Variants in FBXL17 observed in about 807,000 individuals in gnomAD.
FBXL17 encodes the protein F-box and leucine rich repeat protein 17.
In FBXL17, 22 loss-of-function variants were observed where a neutral mutation model predicts 66.2. The ratio of observed to expected loss-of-function variants is 0.33; its 90% CI spans 0.24 to 0.47. The LOEUF is 0.47. Ranked by LOEUF, FBXL17 falls within the 20% of genes least tolerant of loss-of-function variation. The pLI is 1.00. For missense variants in FBXL17, 878 were observed against 948.2 expected (o/e 0.93, Z 0.97); for synonymous variants, 474 against 400.5 (o/e 1.18, Z -2.19).
At chr5:108,361,654 C>T (rs1580890849) in intron 3 of FBXL17, among the ~76,000 whole-genome samples, 1 of 152,100 alleles carries the variant, frequency 6.6e-6, no homozygotes. Context: ...TTGTATGTCT[C>T]ACCATAATCT....
chr5:108,260,192 T>C (rs1756754430), intron 4 of FBXL17, among the ~76,000 whole-genome samples: 1 of 152,110 alleles, frequency 6.6e-6, no homozygotes, highest in South Asian at 2.1e-4. Flanking sequence ...AGGAGAGGAC[T>C]AGTTGTTAAT....
chr5:108,231,464 T>C (rs1262923197), intron 4 of FBXL17, among the ~76,000 whole-genome samples: 2 of 152,136 alleles, frequency 1.3e-5, no homozygotes, highest in African/African-American at 2.4e-5. Context: ...ATGTAAGGTT[T>C]TGAGGTTTAT....
chr5:108,127,661 A>G (rs1750775404), intron 6 of FBXL17, among the ~76,000 whole-genome samples: 1 of 152,196 alleles, frequency 6.6e-6, no homozygotes, highest in Non-Finnish European at 1.5e-5. Flanking sequence ...AATCTTTAAT[A>G]GATTTTTTAA....
chr5:108,056,523 A>T (rs1419664781), intron 6 of FBXL17, among the ~76,000 whole-genome samples: 1 of 152,236 alleles, frequency 6.6e-6, no homozygotes, highest in Admixed American at 6.5e-5. Flanking sequence ...ACCCCAGCCA[A>T]CTGGTGATGA....
At chr5:108,240,408 T>G (rs573143919) in intron 4 of FBXL17, among the ~76,000 whole-genome samples, 6 of 152,074 alleles carry the variant, frequency 3.9e-5, no homozygotes, top group African/African-American at 1.4e-4. Context: ...ATGAATATCA[T>G]TGGTAGCCAG....
At chr5:107,865,688 A>G (rs1459769777) in intron 8 of FBXL17, among the ~76,000 whole-genome samples, 1 of 152,200 alleles carries the variant, frequency 6.6e-6, no homozygotes, top group African/African-American at 2.4e-5. Context: ...CTAGGAAACA[A>G]AGCAGTGGGG....
At chr5:108,371,615 A>G (rs1423433867) in intron 1 of FBXL17, among the ~76,000 whole-genome samples, 1 of 152,206 alleles carries the variant, frequency 6.6e-6, no homozygotes, top group African/African-American at 2.4e-5. Flanking sequence ...TAAATCAACA[A>G]TTTAAGACAT....
intron 4 of FBXL17, among the ~76,000 whole-genome samples, chr5:108,228,801 T>A (rs918927316): frequency 2.6e-5 from 4 of 152,176 alleles, no homozygotes; most frequent in African/African-American, 4.8e-5. Context: ...TAATCTAAAC[T>A]ATGGGATGGC....
At chr5:108,186,272 A>G in intron 5 of FBXL17, 25 bp from the exon 6 acceptor site, 12 of 1,601,384 alleles carry the variant, frequency 7.5e-6, no homozygotes, top group Non-Finnish European at 1.0e-5. Context: ...AAAATGAAAG[A>G]TGAAAAAGGT....
chr5:108,090,673 A>G (rs1749153664), intron 6 of FBXL17, among the ~76,000 whole-genome samples: 1 of 152,186 alleles, frequency 6.6e-6, no homozygotes, highest in Non-Finnish European at 1.5e-5. Flanking sequence ...ATATCATGAT[A>G]AGTTATCTTT....
chr5:108,167,693 A>G (rs1355056280), intron 6 of FBXL17, among the ~76,000 whole-genome samples: 1 of 152,212 alleles, frequency 6.6e-6, no homozygotes, highest in African/African-American at 2.4e-5. Flanking sequence ...TATAAAATGA[A>G]TATGTCAAGA....
intron 6 of FBXL17, among the ~76,000 whole-genome samples, chr5:108,044,741 A>G (rs935636272): frequency 1.3e-5 from 2 of 151,792 alleles, no homozygotes; most frequent in African/African-American, 4.8e-5. Flanking sequence ...TTGGTAGAAT[A>G]CTCCAGTGAA....
intron 6 of FBXL17, among the ~76,000 whole-genome samples, chr5:108,093,266 A>C (rs967275597): frequency 1.3e-5 from 2 of 151,888 alleles, no homozygotes; most frequent in Non-Finnish European, 2.9e-5. Flanking sequence ...TCCCACTAAA[A>C]ATTTTAATCT....
At chr5:108,128,159 T>C (rs534232329) in intron 6 of FBXL17, among the ~76,000 whole-genome samples, 2 of 151,322 alleles carry the variant, frequency 1.3e-5, no homozygotes, top group South Asian at 4.2e-4. Flanking sequence ...AGCACAAGAA[T>C]AGCTTGAACA....
chr5:108,049,119 G>A (rs1160468245), intron 6 of FBXL17, among the ~76,000 whole-genome samples: 1 of 151,894 alleles, frequency 6.6e-6, no homozygotes, highest in Non-Finnish European at 1.5e-5. Context: ...AACCCTACAA[G>A]CCAGAAGAGA....
chr5:107,895,181 C>T (rs1034729404), intron 7 of FBXL17, among the ~76,000 whole-genome samples: 4 of 152,034 alleles, frequency 2.6e-5, no homozygotes, highest in African/African-American at 9.7e-5. Flanking sequence ...TGATTAATCT[C>T]TGGTGGCTAG....
intron 6 of FBXL17, among the ~76,000 whole-genome samples, chr5:108,138,709 C>T (rs1354479010): frequency 5.3e-5 from 8 of 152,118 alleles, no homozygotes. Flanking sequence ...GTGCAATTGG[C>T]ACTAGGCAAC....
chr5:107,886,457 T>C (rs538021502), intron 7 of FBXL17, among the ~76,000 whole-genome samples: 1 of 152,126 alleles, frequency 6.6e-6, no homozygotes, highest in East Asian at 1.9e-4. Flanking sequence ...CATTCTCCAG[T>C]GAAAGGAATC....
chr5:108,244,770 CAG>C (rs1184060472), intron 4 of FBXL17, among the ~76,000 whole-genome samples: 3 of 152,070 alleles, frequency 2.0e-5, no homozygotes, highest in Admixed American at 6.6e-5. Context: ...AGTTATACAT[CAG>C]GGGGAAAAAG....
Sources: gnomAD v4.1 joint callset for allele counts (sites outside exome capture counted in the v4.1 genomes callset) on GRCh38, gnomAD v4.1.1 for gene constraint, MANE v1.5 for transcripts, NCBI Gene and HGNC (gene_info 2026-07-23, HGNC 2026-07-21) for gene names.